Variants in CFAP61 observed in about 807,000 individuals in gnomAD.
The protein encoded by CFAP61 is cilia and flagella associated protein 61, also known as cilia- and flagella-associated protein 61.
Under a neutral mutation model 135.6 loss-of-function variants are expected in CFAP61, and 107 were observed. The ratio of observed to expected loss-of-function variants is 0.79; its 90% confidence interval spans 0.67 to 0.93. The LOEUF (loss-of-function observed/expected upper bound fraction) is 0.93, where lower values mean the gene tolerates loss of function less well. Among genes scored for constraint, CFAP61 ranks in the 40% least tolerant of loss-of-function variants. CFAP61 has a pLI of 0.00. For missense variants in CFAP61, 1,507 were observed against 1,556.2 expected (o/e 0.97, Z 0.53); for synonymous variants, 575 against 578.5 (o/e 0.99, Z 0.09).
chr20:20,093,248 A>C (rs1208688706), intron 7 of CFAP61, among the ~76,000 whole-genome samples: 2 of 152,180 alleles, frequency 1.3e-5, no homozygotes, highest in South Asian at 2.1e-4. Context: ...TTTAGATGAA[A>C]GCCTAGAATA....
intron 25 of CFAP61, among the ~76,000 whole-genome samples, chr20:20,318,633 A>C (rs1306224314): frequency 6.6e-6 from 1 of 152,158 alleles, no homozygotes; most frequent in Non-Finnish European, 1.5e-5. Context: ...TGCATCTTAC[A>C]GCTTGCTATT....
chr20:20,306,268 T>C (rs1170055095), intron 25 of CFAP61, among the ~76,000 whole-genome samples: 1 of 152,228 alleles, frequency 6.6e-6, no homozygotes, highest in Non-Finnish European at 1.5e-5. Flanking sequence ...CCAAAATGAA[T>C]GTTCAGAGAA....
At chr20:20,160,304 TCATATC>T (rs1179783195) in intron 10 of CFAP61, among the ~76,000 whole-genome samples, 1 of 152,106 alleles carries the variant, frequency 6.6e-6, no homozygotes, top group Non-Finnish European at 1.5e-5. Flanking sequence ...TGGGGCTTGG[TCATATC>T]CATAGAGGCA....
At chr20:20,139,950 G>A (rs924060320) in intron 8 of CFAP61, among the ~76,000 whole-genome samples, 1 of 152,048 alleles carries the variant, frequency 6.6e-6, no homozygotes, top group East Asian at 1.9e-4. Flanking sequence ...ACTTAAAATA[G>A]GAAAGAAATA....
In CFAP61 at chr20:20,246,148, A is replaced by G; in HGVS notation, c.2092A>G (p.Ile698Val). ...SHMKFNNLTLISTHGLPGKKL... is the reference protein window; with the variant it reads ...SHMKFNNLTLVSTHGLPGKKL... ...CATGAAGTTTAATAATCTTACCCTG[A>G]TTTCAACTCATGGACTCCCAGGAAA... Residue 698 changes from isoleucine (I) to valine (V), a missense_variant, in exon 19 of 27, where the codon ATT becomes GTT. By Grantham distance (29) the Ile-to-Val change is conservative. Transcript: ENST00000245957. 6.2e-7 allele frequency: 1 copy of G among 1,613,222 alleles called. No individual in the cohort carries two copies. Among genetic ancestry groups the G allele is most frequent in the South Asian group, 1.1e-5 (1 of 91,052 alleles).
At chr20:20,135,119 A>C (rs1310635452) in intron 8 of CFAP61, among the ~76,000 whole-genome samples, 1 of 152,174 alleles carries the variant, frequency 6.6e-6, no homozygotes, top group Admixed American at 6.5e-5. Context: ...GAAAAGGAAA[A>C]GGCAATGTGA....
intron 14 of CFAP61, among the ~76,000 whole-genome samples, chr20:20,190,138 C>T (rs1003539743): frequency 1.3e-5 from 2 of 152,188 alleles, no homozygotes; most frequent in African/African-American, 4.8e-5. Context: ...CTAACATTTG[C>T]ACTTGTGGGC....
At chr20:20,054,996 A>G (rs1292491927) in intron 1 of CFAP61, among the ~76,000 whole-genome samples, 1 of 152,056 alleles carries the variant, frequency 6.6e-6, no homozygotes, top group Non-Finnish European at 1.5e-5. Context: ...ATGTGTCTTT[A>G]CTGAATTCTG....
At chr20:20,247,386 A>C (rs1370009948) in intron 19 of CFAP61, among the ~76,000 whole-genome samples, 1 of 152,230 alleles carries the variant, frequency 6.6e-6, no homozygotes, top group Non-Finnish European at 1.5e-5. Flanking sequence ...CTGCGTGGGC[A>C]GACTGAGTGG....
intron 9 of CFAP61, among the ~76,000 whole-genome samples, chr20:20,148,386 A>G (rs1380561603): frequency 3.8e-5 from 1 of 26,506 alleles, no homozygotes; most frequent in Non-Finnish European, 1.3e-4. Context: ...ATCCATGAGC[A>G]TGGGATGTAT....
intron 17 of CFAP61, chr20:20,200,593 TATGGGCTTGTA>T: frequency 2.0e-6 from 1 of 493,264 alleles, no homozygotes; most frequent in Non-Finnish European, 2.6e-6. Flanking sequence ...TGTTGACTGA[TATGGGCTTGTA>T]GTGTTTGTAT....
intron 18 of CFAP61, among the ~76,000 whole-genome samples, chr20:20,243,585 G>A (rs2050186755): frequency 6.6e-6 from 1 of 152,076 alleles, no homozygotes; most frequent in Non-Finnish European, 1.5e-5. Context: ...TTACAGGCAT[G>A]TGCCACCACA....
intron 8 of CFAP61, among the ~76,000 whole-genome samples, chr20:20,127,178 C>A (rs1191097895): frequency 6.6e-6 from 1 of 151,646 alleles, no homozygotes; most frequent in African/African-American, 2.4e-5. Context: ...TGGTGCCTCC[C>A]TGATAAGCTT....
chr20:20,054,215 T>C (rs536527674), intron 1 of CFAP61, among the ~76,000 whole-genome samples: 2 of 152,028 alleles, frequency 1.3e-5, no homozygotes, highest in African/African-American at 4.8e-5. Context: ...TTTCAGTCTT[T>C]GTATGAAATT....
intron 25 of CFAP61, among the ~76,000 whole-genome samples, chr20:20,328,009 C>T (rs2057831485): frequency 6.6e-6 from 1 of 152,144 alleles, no homozygotes; most frequent in Non-Finnish European, 1.5e-5. Flanking sequence ...CTCTTCTCTC[C>T]AGTCAGAATC....
chr20:20,248,692 C>A (rs1301093587), intron 19 of CFAP61, among the ~76,000 whole-genome samples: 1 of 152,180 alleles, frequency 6.6e-6, no homozygotes, highest in African/African-American at 2.4e-5. Context: ...TTCTAAGGTT[C>A]TTTCCAGCTC....
chr20:20,111,936 A>G (rs2048829759), intron 8 of CFAP61, among the ~76,000 whole-genome samples: 1 of 152,186 alleles, frequency 6.6e-6, no homozygotes, highest in Non-Finnish European at 1.5e-5. Flanking sequence ...TTTGGAATAT[A>G]TGATATAATC....
intron 6 of CFAP61, among the ~76,000 whole-genome samples, chr20:20,076,021 T>C (rs566904904): frequency 5.9e-5 from 9 of 152,268 alleles, no homozygotes; most frequent in Non-Finnish European, 1.3e-4. Context: ...TTTTCCAAAT[T>C]GAAGGTCTCT....
At chr20:20,127,575 C>T (rs1348999884) in intron 8 of CFAP61, among the ~76,000 whole-genome samples, 1 of 147,904 alleles carries the variant, frequency 6.8e-6, no homozygotes, top group Admixed American at 6.7e-5. Flanking sequence ...TGTGAACCAT[C>T]TGTGGGTCTC....
Sources: gnomAD v4.1 joint callset for allele counts (sites outside exome capture counted in the v4.1 genomes callset) on GRCh38, gnomAD v4.1.1 for gene constraint, MANE v1.5 for transcripts, NCBI Gene and HGNC (gene_info 2026-07-23, HGNC 2026-07-21) for gene names.